Variants in ZNF385D observed in about 807,000 individuals in gnomAD.
ZNF385D encodes zinc finger protein 659.
In ZNF385D, 15 loss-of-function variants were observed where a neutral mutation model predicts 35.8. The observed-to-expected ratio is 0.42, with a 90% CI of 0.28 to 0.64. The LOEUF (loss-of-function observed/expected upper bound fraction) is 0.64, where lower values mean the gene tolerates loss of function less well. Ranked by LOEUF, ZNF385D falls within the 30% of genes least tolerant of loss-of-function variation. ZNF385D has a pLI of 0.23. For synonymous variants in ZNF385D, 212 were observed against 186.8 expected, an observed-to-expected ratio of 1.13 and a Z score of -1.10; for missense variants, 474 against 494.6, an observed-to-expected ratio of 0.96 and a Z score of 0.39.
At chr3:21,885,415 C>CA (rs1040084832) in intron 3 of ZNF385D, among the ~76,000 whole-genome samples, 1 of 151,692 alleles carries the variant, frequency 6.6e-6, no homozygotes, top group Non-Finnish European at 1.5e-5. Flanking sequence ...TTGTTAGCAA[C>CA]AAAATTTGAT....
In ZNF385D at chr3:21,727,453, C is replaced by A. The variant is rs951469400; in HGVS notation, c.22+23442G>T. Among the ~76,000 whole-genome samples the A allele has an allele frequency of 3.0e-4, 46 of 152,004 alleles. 1 individual carries two copies. Among genetic ancestry groups the A allele is most frequent in the Admixed American group, 2.4e-3 (36 of 15,252 alleles). On this transcript the variant is annotated intron_variant, in intron 1 of 7. Coordinates refer to ENST00000281523, the MANE Select transcript of ZNF385D (RefSeq NM_024697.3). ...ACAAAAGGCTAATATCCAGAATCTACAAAGAACTTAAACAAATTTACAAGA... is the reference window on the plus strand; with the variant it reads ...ACAAAAGGCTAATATCCAGAATCTAAAAAGAACTTAAACAAATTTACAAGA...
intron 3 of ZNF385D, among the ~76,000 whole-genome samples, chr3:21,981,861 T>A (rs768187146): frequency 2.0e-5 from 3 of 152,184 alleles, no homozygotes; most frequent in Non-Finnish European, 4.4e-5. Context: ...TTGTTGACGA[T>A]CAGATGTTCA....
chr3:21,963,902 C>G (rs760226422), intron 3 of ZNF385D, among the ~76,000 whole-genome samples: 1 of 151,988 alleles, frequency 6.6e-6, no homozygotes, highest in Non-Finnish European at 1.5e-5. Context: ...AGAACTAACT[C>G]AGAGCAATTT....
rs375765483 is a variant in ZNF385D, at chr3:22,144,772, T to C, written c.325+24045A>G. On this transcript the variant is annotated intron_variant, in intron 3 of 5. Transcript: ENST00000494108. ...AGCAAGTTCATATTCACAACAATTA[T>C]AAAATAAAATACATTTATTCTCTTA... Among the ~76,000 whole-genome samples the C allele has an allele frequency of 1.2e-4, 18 of 152,154 alleles. No individual in the cohort carries two copies. In the East Asian group the frequency reaches 3.1e-3, roughly 26 times the overall value.
chr3:21,884,542 C>T (rs1245690226), intron 3 of ZNF385D, among the ~76,000 whole-genome samples: 1 of 151,952 alleles, frequency 6.6e-6, no homozygotes, highest in African/African-American at 2.4e-5. Context: ...TTGTATAAGC[C>T]AAGTTTTCAA....
At chr3:21,853,469 TC>T (rs1337846005) in intron 3 of ZNF385D, among the ~76,000 whole-genome samples, 3 of 151,370 alleles carry the variant, frequency 2.0e-5, no homozygotes, top group African/African-American at 7.3e-5. Flanking sequence ...GCTAAAGGTT[TC>T]AAGTGTTTTA....
intron 3 of ZNF385D, among the ~76,000 whole-genome samples, chr3:21,851,039 G>C (rs1485344708): frequency 6.6e-6 from 1 of 151,698 alleles, no homozygotes; most frequent in Non-Finnish European, 1.5e-5. Context: ...CTAGAAATGA[G>C]AAAGATAAAA....
intron 3 of ZNF385D, among the ~76,000 whole-genome samples, chr3:21,929,539 T>C (rs1162449026): frequency 6.6e-6 from 1 of 152,090 alleles, no homozygotes; most frequent in East Asian, 1.9e-4. Context: ...AAGAAATAAT[T>C]ATTTATGTAG....
chr3:21,582,935 G>A (rs2063709975), intron 2 of ZNF385D, among the ~76,000 whole-genome samples: 3 of 151,928 alleles, frequency 2.0e-5, no homozygotes, highest in Admixed American at 2.0e-4. Flanking sequence ...ACACCACCAC[G>A]CCCAGCTAAT....
chr3:21,938,168 G>T (rs1366542653), intron 3 of ZNF385D, among the ~76,000 whole-genome samples: 1 of 152,160 alleles, frequency 6.6e-6, no homozygotes, highest in Non-Finnish European at 1.5e-5. Flanking sequence ...ATTTGTAAAT[G>T]TACCCATTTT....
At chr3:21,855,635 C>T (rs1696667404) in intron 3 of ZNF385D, among the ~76,000 whole-genome samples, 1 of 152,062 alleles carries the variant, frequency 6.6e-6, no homozygotes, top group Non-Finnish European at 1.5e-5. Context: ...CAATATAGAC[C>T]TGGAGCTCTT....
intron 3 of ZNF385D, among the ~76,000 whole-genome samples, chr3:21,971,738 A>G (rs1703270848): frequency 6.6e-6 from 1 of 151,880 alleles, no homozygotes; most frequent in African/African-American, 2.4e-5. Flanking sequence ...ACCTATAAAG[A>G]TACATATAAA....
At chr3:21,976,240 C>T (rs1399845181) in intron 3 of ZNF385D, among the ~76,000 whole-genome samples, 1 of 152,044 alleles carries the variant, frequency 6.6e-6, no homozygotes, top group Non-Finnish European at 1.5e-5. Context: ...GTAATGACAA[C>T]ACATTTTTTT....
At chr3:21,881,535 TG>T (rs1188620559) in intron 3 of ZNF385D, among the ~76,000 whole-genome samples, 2 of 152,048 alleles carry the variant, frequency 1.3e-5, no homozygotes, top group Non-Finnish European at 2.9e-5. Flanking sequence ...GACAACATAC[TG>T]GCCACCCAAG....
At chr3:21,848,982 C>A (rs1470121730) in intron 3 of ZNF385D, among the ~76,000 whole-genome samples, 1 of 152,024 alleles carries the variant, frequency 6.6e-6, no homozygotes, top group African/African-American at 2.4e-5. Flanking sequence ...ATTACTTAAA[C>A]CTATTTGAGA....
chr3:21,895,362 C>G (rs988468691), intron 3 of ZNF385D, among the ~76,000 whole-genome samples: 1 of 124,318 alleles, frequency 8.0e-6, no homozygotes, highest in African/African-American at 3.0e-5. Flanking sequence ...GAGTCTCACT[C>G]TGTCACCCTG....
At position 21,857,083 on chromosome 3, in the gene ZNF385D, G is replaced by A. The variant is rs140803381; in HGVS notation, c.326-192055C>T. Among the ~76,000 whole-genome samples the A allele has an allele frequency of 4.9e-3, 751 of 151,964 alleles. 7 individuals are homozygous for A. The highest frequency in any genetic ancestry group is 0.017 in the African/African-American group (719 of 41,480). On this transcript the variant is annotated intron_variant, in intron 3 of 5. Coordinates refer to the ZNF385D transcript ENST00000494108. ...TTTCTCATTTAGGCCTTTCCTCACC[G>A]CAGTATTTAAAACTGTAGTAACCTG...
At chr3:21,787,819 AAG>A (rs926137209) in intron 3 of ZNF385D, among the ~76,000 whole-genome samples, 2 of 152,040 alleles carry the variant, frequency 1.3e-5, no homozygotes, top group African/African-American at 4.8e-5. Flanking sequence ...TTTTTAAAAA[AAG>A]AGAGCAATAA....
intron 2 of ZNF385D, among the ~76,000 whole-genome samples, chr3:21,608,942 T>G (rs1474572748): frequency 2.0e-5 from 3 of 152,180 alleles, no homozygotes. Flanking sequence ...GGAAAAAAAT[T>G]TTAAACATGT....
Sources: allele counts gnomAD v4.1 joint callset (sites outside exome capture counted in the v4.1 genomes callset), GRCh38; gene constraint gnomAD v4.1.1; transcripts MANE v1.5; gene names NCBI Gene and HGNC (gene_info 2026-07-23, HGNC 2026-07-21).